The following PARD3 variants were observed in gnomAD, a reference collection of about 807,000 sequenced individuals.
The protein encoded by PARD3 is partitioning defective 3 homolog.
In PARD3, 75 loss-of-function variants were observed where a neutral mutation model predicts 155.4. That is an observed-to-expected ratio of 0.48 (90% CI 0.40 to 0.58). PARD3 has a LOEUF of 0.58. PARD3 is among the 20% of genes least tolerant of loss of function. The probability of loss-of-function intolerance (pLI) is 0.00; values close to 1 mark genes in which losing one functional copy is unlikely to be tolerated. For missense variants in PARD3, 1,642 were observed against 1,721.7 expected (o/e 0.95, Z 0.82); for synonymous variants, 576 against 610.5 (o/e 0.94, Z 0.83).
intron 6 of PARD3, among the ~76,000 whole-genome samples, chr10:34,400,892 T>C (rs182931222): frequency 1.6e-3 from 246 of 152,138 alleles, no homozygotes; most frequent in South Asian, 7.5e-3. Context: ...TGAACACCTA[T>C]CTAATCATTG....
intron 15 of PARD3, chr10:34,343,322 G>T: frequency 1.0e-6 from 1 of 962,484 alleles, no homozygotes; most frequent in Non-Finnish European, 1.2e-6. Context: ...AAAACTTCTG[G>T]TTTTACACAA....
intron 2 of PARD3, among the ~76,000 whole-genome samples, chr10:34,631,666 C>T (rs1275178993): frequency 2.0e-5 from 3 of 152,208 alleles, no homozygotes; most frequent in Non-Finnish European, 1.5e-5. Flanking sequence ...TGCAGTGGCA[C>T]AATCTTGGCT....
intron 2 of PARD3, among the ~76,000 whole-genome samples, chr10:34,568,318 C>T (rs1022230118): frequency 2.6e-5 from 4 of 152,144 alleles, no homozygotes; most frequent in Admixed American, 6.6e-5. Flanking sequence ...ACAAGTCATA[C>T]GGTGATGTTT....
intron 22 of PARD3, among the ~76,000 whole-genome samples, chr10:34,190,294 G>A (rs1050394109): frequency 1.3e-5 from 2 of 152,148 alleles, no homozygotes; most frequent in African/African-American, 4.8e-5. Context: ...GGAGGATCTT[G>A]TTGTCTTCCC....
chr10:34,723,736 C>G (rs1025021214), intron 1 of PARD3, among the ~76,000 whole-genome samples: 4 of 152,188 alleles, frequency 2.6e-5, no homozygotes, highest in African/African-American at 9.6e-5. Flanking sequence ...CATTCTAGTA[C>G]ACTGTGTTTT....
chr10:34,739,208 T>C (rs1182284834), intron 1 of PARD3, among the ~76,000 whole-genome samples: 1 of 152,126 alleles, frequency 6.6e-6, no homozygotes, highest in Non-Finnish European at 1.5e-5. Flanking sequence ...GAACAGCAAA[T>C]AAATTCTGAA....
intron 5 of PARD3, among the ~76,000 whole-genome samples, chr10:34,424,237 TCTAACA>T (rs1272114255): frequency 6.6e-6 from 1 of 152,218 alleles, no homozygotes; most frequent in African/African-American, 2.4e-5. Context: ...CATCATTTTC[TCTAACA>T]AACAAACATA....
chr10:34,115,138 A>G (rs1946596229), intron 24 of PARD3, among the ~76,000 whole-genome samples: 1 of 152,166 alleles, frequency 6.6e-6, no homozygotes, highest in African/African-American at 2.4e-5. Flanking sequence ...AGACAGAGGG[A>G]GCGAGGCTAA....
intron 19 of PARD3, among the ~76,000 whole-genome samples, chr10:34,325,130 C>T (rs1958611640): frequency 6.6e-6 from 1 of 152,072 alleles, no homozygotes; most frequent in African/African-American, 2.4e-5. Context: ...ATGCCTCAGC[C>T]TCCGAAGTAG....
chr10:34,799,394 T>C (rs1295393281), intron 1 of PARD3, among the ~76,000 whole-genome samples: 1 of 152,054 alleles, frequency 6.6e-6, no homozygotes, highest in Non-Finnish European at 1.5e-5. Flanking sequence ...AGATTGTACA[T>C]TTCCAGCAAG....
At chr10:34,445,307 C>T (rs1181272767) in intron 5 of PARD3, among the ~76,000 whole-genome samples, 1 of 152,184 alleles carries the variant, frequency 6.6e-6, no homozygotes, top group Non-Finnish European at 1.5e-5. Context: ...ATAGTGCTTA[C>T]TTCTGAAAAA....
At chr10:34,339,660 A>T (rs1836587054) in intron 16 of PARD3, among the ~76,000 whole-genome samples, 1 of 152,230 alleles carries the variant, frequency 6.6e-6, no homozygotes, top group Non-Finnish European at 1.5e-5. Context: ...TATATTCTAT[A>T]AGTAAACAAG....
At chr10:34,519,758 G>A (rs2082010961) in intron 2 of PARD3, among the ~76,000 whole-genome samples, 1 of 151,986 alleles carries the variant, frequency 6.6e-6, no homozygotes, top group South Asian at 2.1e-4. Flanking sequence ...AGGGTGCAGT[G>A]AGCCAAGATC....
At chr10:34,417,857 T>A (rs1304465524) in intron 5 of PARD3, among the ~76,000 whole-genome samples, 13 of 152,018 alleles carry the variant, frequency 8.6e-5, no homozygotes, top group Non-Finnish European at 1.3e-4. Context: ...CAATGACCCA[T>A]CCAGAAAAAA....
chr10:34,574,974 A>T (rs576349968), intron 2 of PARD3, among the ~76,000 whole-genome samples: 2 of 152,276 alleles, frequency 1.3e-5, no homozygotes, highest in Non-Finnish European at 2.9e-5. Context: ...AAGATTACTG[A>T]AATGGTTCTC....
chr10:34,577,034 T>A (rs1422566725), intron 2 of PARD3, among the ~76,000 whole-genome samples: 1 of 152,152 alleles, frequency 6.6e-6, no homozygotes, highest in East Asian at 1.9e-4. Context: ...TGCTCCATCA[T>A]CTTCTCTGAC....
chr10:34,390,343 A>G (rs1842765864), intron 7 of PARD3, among the ~76,000 whole-genome samples: 1 of 152,198 alleles, frequency 6.6e-6, no homozygotes, highest in Admixed American at 6.5e-5. Context: ...ACTAATCACT[A>G]CCTACCTAGA....
intron 2 of PARD3, among the ~76,000 whole-genome samples, chr10:34,573,732 CAA>C (rs869199986): frequency 4.0e-3 from 33 of 8,162 alleles, no homozygotes; most frequent in East Asian, 0.018. Context: ...AACAAACAAA[CAA>C]AAACACACAC....
Position 34,735,173 on chromosome 10 carries a change from T to C in PARD3, c.121-38754A>G, listed in dbSNP as rs1043209851. The stretch of plus-strand genomic sequence containing the variant: ...AAAATAATAAGTAGATAACCTAGTA[T>C]TCACGAGAGAGATCAATTATCTTTT... On this transcript the variant is annotated intron_variant, in intron 1 of 24. Coordinates refer to ENST00000374788, the MANE Select transcript of PARD3 (RefSeq NM_001184785.2). Among the ~76,000 whole-genome samples the C allele has an allele frequency of 5.3e-5, 8 of 152,312 alleles. No individual in the cohort carries two copies. In the East Asian group the frequency reaches 9.7e-4, roughly 18 times the overall value.
Sources: allele counts gnomAD v4.1 joint callset (sites outside exome capture counted in the v4.1 genomes callset), GRCh38; gene constraint gnomAD v4.1.1; transcripts MANE v1.5; gene names NCBI Gene and HGNC (gene_info 2026-07-23, HGNC 2026-07-21).